Variants in MAGI2 observed in about 807,000 individuals in gnomAD.
MAGI2 encodes membrane-associated guanylate kinase, WW and PDZ domain-containing protein 2.
In MAGI2, 35 loss-of-function variants were observed where a neutral mutation model predicts 133.3. The observed-to-expected ratio is 0.26, with a 90% CI of 0.20 to 0.35. The LOEUF (loss-of-function observed/expected upper bound fraction) is 0.35. Ranked by LOEUF, MAGI2 falls within the 10% of genes least tolerant of loss-of-function variation. MAGI2 has a pLI of 1.00. For missense variants in MAGI2, 1,636 were observed against 1,863.4 expected (o/e 0.88, Z 2.25); for synonymous variants, 729 against 710.6 (o/e 1.03, Z -0.41).
In MAGI2 at chr7:78,474,480, T is replaced by C. The variant is rs73372342; in HGVS notation, c.1045+15281A>G. ...TCTAGGTACTAGGATTATAACAAAT[T>C]AAATATAATAGTGATTGAGGATTGC... On this transcript the variant is annotated intron_variant, in intron 6 of 21. Transcript: ENST00000354212. Among the ~76,000 whole-genome samples, 660 of 152,068 alleles carry C rather than the reference T, an allele frequency of 4.3e-3. 7 individuals are homozygous for C. Among genetic ancestry groups the C allele is most frequent in the African/African-American group, 0.015 (628 of 41,524 alleles).
chr7:78,691,086 C>T (rs1012529537), intron 2 of MAGI2, among the ~76,000 whole-genome samples: 7 of 152,126 alleles, frequency 4.6e-5, no homozygotes, highest in Admixed American at 2.0e-4. Context: ...AAATCCTTAC[C>T]TCTGTGACTT....
At position 78,167,980 on chromosome 7, in the gene MAGI2, G is replaced by A. The variant is rs1261665602; in HGVS notation, c.2532C>T (p.Leu844=). 2 of 1,614,016 alleles carry A rather than the reference G, an allele frequency of 1.2e-6. No homozygotes were observed. The highest frequency in any genetic ancestry group is 1.7e-6 in the Non-Finnish European group (2 of 1,180,032). ...AGKTHRYVID[L]MHHAARNGQV... ...GCCCATTGCGGGCTGCGTGGTGCAT[G>A]AGGTCGATGACATAGCGGTGGGTTT... Residue 844 remains leucine, a synonymous_variant, in exon 15 of 22, where the codon CTC becomes CTT. Coordinates refer to ENST00000354212, the MANE Select transcript of MAGI2 (RefSeq NM_012301.4).
chr7:78,343,964 C>T lies in MAGI2; in HGVS notation c.1226-4G>A, dbSNP rs2151186287. On this transcript the variant is annotated splice_region_variant and splice_polypyrimidine_tract_variant and intron_variant, in intron 8 of 21. Transcript: ENST00000354212. Reference sequence around the variant, plus strand: ...TCCCGGGTGAAGAGTGGTTTTTCTACATTGGCCAATATAAGTTAAAAAAGA... The same window carrying T: ...TCCCGGGTGAAGAGTGGTTTTTCTATATTGGCCAATATAAGTTAAAAAAGA... 6.2e-7 allele frequency: 1 copy of T among 1,605,690 alleles called. No homozygotes were observed. The highest frequency in any genetic ancestry group is 1.7e-5 in the Admixed American group (1 of 57,594).
At chr7:78,725,559 G>T (rs1163253634) in intron 2 of MAGI2, among the ~76,000 whole-genome samples, 1 of 152,228 alleles carries the variant, frequency 6.6e-6, no homozygotes, top group Non-Finnish European at 1.5e-5. Context: ...AACACTTTGG[G>T]AGGCCTAGGC....
chr7:78,426,671 T>C (rs1326866606), intron 6 of MAGI2, among the ~76,000 whole-genome samples: 1 of 151,764 alleles, frequency 6.6e-6, no homozygotes, highest in Non-Finnish European at 1.5e-5. Context: ...TGAGAAAATA[T>C]CAAGCAGTCT....
chr7:79,243,499 G>T (rs538649210), intron 1 of MAGI2, among the ~76,000 whole-genome samples: 1 of 152,308 alleles, frequency 6.6e-6, no homozygotes, highest in African/African-American at 2.4e-5. Context: ...ATGTGAGTTG[G>T]TGATATCATG....
In MAGI2 at chr7:78,192,670, A is replaced by C. The variant is rs566021072; in HGVS notation, c.2269+2204T>G. 2.6e-5 allele frequency among the ~76,000 whole-genome samples: 4 copies of C among 152,210 alleles called. No homozygotes were observed. The South Asian group carries it at 8.3e-4, about 32-fold the overall frequency. The stretch of plus-strand genomic sequence containing the variant: ...CTTTTCTTACCTTGACATAGTTTCT[A>C]TGTTTCATTTACACTCCATTTAGTG... On this transcript the variant is annotated intron_variant, in intron 12 of 21. Coordinates refer to ENST00000354212, the MANE Select transcript of MAGI2 (RefSeq NM_012301.4).
At position 79,205,756 on chromosome 7, in the gene MAGI2, G is replaced by GGTGT. The variant is rs113762722; in HGVS notation, c.302-198554_302-198551dup. 1.0e-3 allele frequency among the ~76,000 whole-genome samples: 155 copies of GGTGT among 148,078 alleles called. 1 individual carries two copies. Among genetic ancestry groups the GGTGT allele is most frequent in the African/African-American group, 3.2e-3 (132 of 40,660 alleles). On this transcript the variant is annotated intron_variant, in intron 1 of 21. Coordinates refer to ENST00000354212, the MANE Select transcript of MAGI2 (RefSeq NM_012301.4). ...CAAGAGTGGAGGAAAAATGTAGAGG[G>GGTGT]GTGTGTGTGTGTGTGTGTGTGTAAT... is the stretch of plus-strand genomic sequence containing the variant.
rs527435189 is a variant in MAGI2 at position 79,347,088 on chromosome 7, G to A, written c.301+105932C>T. ...ATCCTCACCTTTTTTATGTTAATTC[G>A]AGAGTGTTCATCTTTACCTTTTTAA... On this transcript the variant is annotated intron_variant, in intron 1 of 21. Transcript: ENST00000354212. Among the ~76,000 whole-genome samples the A allele has an allele frequency of 4.6e-5, 7 of 151,872 alleles. No individual in the cohort carries two copies. In the East Asian group the frequency reaches 7.8e-4, roughly 17 times the overall value.
At chr7:78,110,143 A>G (rs1181003558) in intron 20 of MAGI2, among the ~76,000 whole-genome samples, 1 of 152,180 alleles carries the variant, frequency 6.6e-6, no homozygotes, top group Non-Finnish European at 1.5e-5. Context: ...CAAGGGAGGC[A>G]GTATTTGAAA....
intron 2 of MAGI2, 110 bp from the exon 3 acceptor site, chr7:78,627,349 G>A (rs1425698801): frequency 1.8e-5 from 18 of 1,027,630 alleles, no homozygotes; most frequent in South Asian, 2.8e-5. Flanking sequence ...TGTACATCCT[G>A]CAAGTTGGCA....
intron 9 of MAGI2, among the ~76,000 whole-genome samples, chr7:78,282,262 C>A (rs1324136116): frequency 1.3e-5 from 2 of 152,110 alleles, no homozygotes; most frequent in Non-Finnish European, 2.9e-5. Flanking sequence ...GGTTCTTCTA[C>A]CACTCGGAGT....
At chr7:78,771,311 T>C (rs1825571791) in intron 2 of MAGI2, 1 of 152,176 alleles carries the variant, frequency 6.6e-6, no homozygotes. Flanking sequence ...TACGCGCCTG[T>C]CTCTCACTTT....
intron 21 of MAGI2, among the ~76,000 whole-genome samples, chr7:78,071,239 T>C (rs558775156): frequency 2.0e-5 from 3 of 152,320 alleles, no homozygotes; most frequent in East Asian, 1.9e-4. Context: ...TGTTGTGTTC[T>C]TTAAGAAAGC....
intron 1 of MAGI2, among the ~76,000 whole-genome samples, chr7:79,407,914 C>G (rs17152454): frequency 0.15 from 22,905 of 151,850 alleles, 1,912 homozygotes; most frequent in East Asian, 0.29. Context: ...TATTATTAAG[C>G]CTTTAAATTC....
chr7:78,464,601 C>CA (rs1352929640), intron 6 of MAGI2, among the ~76,000 whole-genome samples: 1 of 151,702 alleles, frequency 6.6e-6, no homozygotes, highest in East Asian at 1.9e-4. Flanking sequence ...TAATATTGTT[C>CA]AAAAGAACAA....
chr7:78,552,456 T>C (rs1000746912), intron 3 of MAGI2, among the ~76,000 whole-genome samples: 4 of 152,228 alleles, frequency 2.6e-5, no homozygotes, highest in Admixed American at 6.5e-5. Context: ...GTGCTGGGAT[T>C]ACAGGCGTAA....
chr7:78,555,876 C>T (rs924578716), intron 3 of MAGI2, among the ~76,000 whole-genome samples: 3 of 152,198 alleles, frequency 2.0e-5, no homozygotes, highest in African/African-American at 7.2e-5. Flanking sequence ...ACAACCTCCA[C>T]TCTTACCACT....
rs1490456342 is a variant in MAGI2, at chr7:79,043,065, T to G, written c.302-35859A>C. Among the ~76,000 whole-genome samples, 4 of 152,234 alleles carry G rather than the reference T, an allele frequency of 2.6e-5. No individual in the cohort carries two copies. In the East Asian group the frequency reaches 7.7e-4, roughly 29 times the overall value. ...CAAGGACACAACATAGAAGAATCTC[T>G]GGGACACAGCTAAAACAGTATTAAG... On this transcript the variant is annotated intron_variant, in intron 1 of 21. Transcript: ENST00000354212.
Sources: gnomAD v4.1 joint callset for allele counts (sites outside exome capture counted in the v4.1 genomes callset) on GRCh38, gnomAD v4.1.1 for gene constraint, MANE v1.5 for transcripts, NCBI Gene and HGNC (gene_info 2026-07-23, HGNC 2026-07-21) for gene names.